Variants in C1D observed in about 807,000 individuals in gnomAD.
The protein encoded by C1D is C1D nuclear receptor corepressor.
Under a neutral mutation model 17.5 loss-of-function variants are expected in C1D, and 10 were observed. That is an observed-to-expected ratio of 0.57 (90% CI 0.35 to 0.97). The LOEUF (loss-of-function observed/expected upper bound fraction) is 0.97. Ranked by LOEUF, C1D falls within the 50% of genes least tolerant of loss-of-function variation. The probability of loss-of-function intolerance (pLI) is 0.01; values close to 1 mark genes in which losing one functional copy is unlikely to be tolerated. For synonymous variants in C1D, 49 were observed against 54.0 expected, an observed-to-expected ratio of 0.91 and a Z score of 0.40; for missense variants, 136 against 160.1, an observed-to-expected ratio of 0.85 and a Z score of 0.81.
In C1D at chr2:68,042,335, T is replaced by C. The variant is rs1316074385; in HGVS notation, c.*554A>G. 2 of 152,582 alleles carry C rather than the reference T, an allele frequency of 1.3e-5. No homozygotes were observed. Among genetic ancestry groups the C allele is most frequent in the Admixed American group, 1.3e-4 (2 of 15,276 alleles). The allele number at this position is 152,582 out of a possible 1,614,324, so 9.5% of individuals were successfully genotyped here. On this transcript the variant is annotated 3_prime_UTR_variant, in exon 5 of 5. Transcript: ENST00000410067. ...TTTTAAATGGGACATAGAGGCAACA[T>C]GCCAAGAATTAAAGTACAACCATAA... is the stretch of plus-strand genomic sequence containing the variant.
At chr2:68,047,631 C>G (rs1486743225) in intron 1 of C1D, among the ~76,000 whole-genome samples, 1 of 152,106 alleles carries the variant, frequency 6.6e-6, no homozygotes, top group African/African-American at 2.4e-5. Flanking sequence ...GTGCAATCAC[C>G]ACTCACTGCA....
intron 1 of C1D, among the ~76,000 whole-genome samples, chr2:68,061,355 C>CTT (rs1671624053): frequency 6.6e-6 from 1 of 152,182 alleles, no homozygotes; most frequent in South Asian, 2.1e-4. Flanking sequence ...AGACTTCTTC[C>CTT]TTTTCTAAAA....
At chr2:68,048,563 G>A (rs530083981) in intron 1 of C1D, among the ~76,000 whole-genome samples, 15 of 152,224 alleles carry the variant, frequency 9.9e-5, no homozygotes, top group Middle Eastern at 3.4e-3. Context: ...AATATTTAGT[G>A]ACAACATATC....
intron 1 of C1D, 22 bp from the exon 2 acceptor site, chr2:68,047,341 G>T: frequency 1.3e-6 from 2 of 1,576,782 alleles, no homozygotes; most frequent in South Asian, 1.2e-5. Flanking sequence ...TAAATTCTTT[G>T]AATTCATATT....
At chr2:68,054,961 C>T (rs1462614549) in intron 1 of C1D, among the ~76,000 whole-genome samples, 2 of 145,674 alleles carry the variant, frequency 1.4e-5, no homozygotes, top group African/African-American at 5.3e-5. Context: ...GCAAGGCCCA[C>T]ATCCTTTCTT....
In C1D at chr2:68,041,848, T is replaced by C. The variant is rs1670966077; in HGVS notation, c.*1041A>G. Reference sequence around the variant, plus strand: ...CACTGAAAGCATTAAGGGCATATAATTAAAATTCATGGGCTTAGACATTTA... The same window carrying C: ...CACTGAAAGCATTAAGGGCATATAACTAAAATTCATGGGCTTAGACATTTA... On this transcript the variant is annotated 3_prime_UTR_variant, in exon 5 of 5. Transcript: ENST00000410067. 6.6e-6 allele frequency: 1 copy of C among 152,028 alleles called. No individual in the cohort carries two copies. Among genetic ancestry groups the C allele is most frequent in the Non-Finnish European group, 1.5e-5 (1 of 67,900 alleles). 9.4% of individuals were successfully genotyped at this position (152,028 alleles called of 1,614,324 possible). A position where few individuals can be genotyped will look rare whatever the true frequency, so the allele number is the denominator to read the frequency against.
chr2:68,046,203 G>A lies in C1D; in HGVS notation c.205+141C>T, dbSNP rs1255251484. ...ATACTAAATCTATGTGTGGCTCACT[G>A]GCATCTAGATTTAAAAATAAGTATC... On this transcript the variant is annotated intron_variant, in intron 3 of 4. Transcript: ENST00000410067. The A allele has an allele frequency of 3.9e-5, 31 of 794,634 alleles. No homozygotes were observed. The East Asian group carries it at 6.8e-4, about 18-fold the overall frequency. 49.2% of individuals were successfully genotyped at this position (794,634 alleles called of 1,614,324 possible).
intron 1 of C1D, among the ~76,000 whole-genome samples, chr2:68,050,212 T>C (rs1283829115): frequency 6.6e-6 from 1 of 152,144 alleles, no homozygotes; most frequent in African/African-American, 2.4e-5. Flanking sequence ...TCTCTAAACT[T>C]ACTCCAGTTT....
chr2:68,053,381 T>A (rs941659068), intron 1 of C1D: 1 of 648,654 alleles, frequency 1.5e-6, no homozygotes, highest in African/African-American at 1.8e-5. Flanking sequence ...TTTCCTTTAA[T>A]TCTCCACTTC....
Position 68,047,173 on chromosome 2 carries a change from C to T in C1D, c.138G>A (p.Lys46=). ...MSVSRNELLQ[K]LDPLEQAKVD... is the part of the protein sequence containing the mutation. ...TTAGGAAATTACATTTTTAAAATAC[C>T]TTCTGCAACAACTCATTTCTAGAAA... is the stretch of plus-strand genomic sequence containing the variant. Residue 46 remains lysine (K), a splice_region_variant and synonymous_variant, in exon 2 of 5, where the codon AAG becomes AAA. Transcript: ENST00000410067. The T allele has an allele frequency of 6.3e-7, 1 of 1,594,356 alleles. No homozygotes were observed. Among genetic ancestry groups the T allele is most frequent in the South Asian group, 1.2e-5 (1 of 86,872 alleles).
intron 4 of C1D, 120 bp from the exon 5 acceptor site, chr2:68,043,173 T>C (rs1014545134): frequency 3.4e-5 from 25 of 746,176 alleles, no homozygotes; most frequent in Non-Finnish European, 4.5e-5. Context: ...TTAAAGTGCA[T>C]GGTGCTAGGA....
intron 1 of C1D, chr2:68,053,293 A>T: frequency 7.4e-7 from 1 of 1,358,632 alleles, no homozygotes. Flanking sequence ...CTCACTGGTT[A>T]TACAGAAGCC....
intron 1 of C1D, among the ~76,000 whole-genome samples, chr2:68,054,974 T>A (rs1413109118): frequency 2.8e-5 from 4 of 143,016 alleles, no homozygotes; most frequent in Non-Finnish European, 4.5e-5. Context: ...CCTTTCTTTT[T>A]TTTTTAAAAA....
At chr2:68,058,519 A>G (rs1315814546) in intron 1 of C1D, among the ~76,000 whole-genome samples, 2 of 152,208 alleles carry the variant, frequency 1.3e-5, no homozygotes. Flanking sequence ...GGGCACTAAT[A>G]TTAGCTTCAC....
intron 1 of C1D, among the ~76,000 whole-genome samples, chr2:68,060,744 A>G (rs1264673507): frequency 1.3e-5 from 2 of 152,126 alleles, no homozygotes; most frequent in African/African-American, 4.8e-5. Context: ...ATAAAATAAA[A>G]TAAAACAAAC....
chr2:68,054,579 C>T (rs907283418), intron 1 of C1D, among the ~76,000 whole-genome samples: 2 of 152,062 alleles, frequency 1.3e-5, no homozygotes, highest in African/African-American at 4.8e-5. Context: ...GGATTTTAAT[C>T]ATAGCTTCAA....
At chr2:68,055,773 TA>T (rs1278193987) in intron 1 of C1D, among the ~76,000 whole-genome samples, 1 of 151,210 alleles carries the variant, frequency 6.6e-6, no homozygotes, top group African/African-American at 2.4e-5. Flanking sequence ...TGAATTTGCT[TA>T]AAAAAAAAGT....
chr2:68,042,828 C>CCGG lies in C1D; in HGVS notation c.*60_*61insCCG. 1 of 205,426 alleles carries CCGG rather than the reference C, an allele frequency of 4.9e-6. No individual in the cohort carries two copies. Among genetic ancestry groups the CCGG allele is most frequent in the South Asian group, 4.3e-5 (1 of 23,156 alleles). 12.7% of individuals were successfully genotyped at this position (205,426 alleles called of 1,614,324 possible). A position where few individuals can be genotyped will look rare whatever the true frequency, so the allele number is the denominator to read the frequency against. On this transcript the variant is annotated 3_prime_UTR_variant, in exon 5 of 5. Transcript: ENST00000410067. ...CTTGCCCTGCCACAGAATTATTTTG[C>CCGG]GGGGGGGGGGGGGGGGGGGAAGATG...
At chr2:68,043,121 G>C (rs1671017995) in intron 4 of C1D, 68 bp from the exon 5 acceptor site, 1 of 1,188,110 alleles carries the variant, frequency 8.4e-7, no homozygotes. Context: ...TTATTATACT[G>C]TACACCTTGG....
Sources: allele counts gnomAD v4.1 joint callset (sites outside exome capture counted in the v4.1 genomes callset), GRCh38; gene constraint gnomAD v4.1.1; transcripts MANE v1.5; gene names NCBI Gene and HGNC (gene_info 2026-07-23, HGNC 2026-07-21).